PIAS1: variants seen among roughly 807,000 people sequenced by gnomAD.
PIAS1 encodes the protein protein inhibitor of activated STAT 1.
In PIAS1, 6 loss-of-function variants were observed where a neutral mutation model predicts 71.3. The ratio of observed to expected loss-of-function variants is 0.08; its 90% CI spans 0.05 to 0.17. The LOEUF is 0.17. Ranked by LOEUF, PIAS1 falls within the 10% of genes least tolerant of loss-of-function variation. PIAS1 has a pLI of 1.00. For missense variants in PIAS1, 555 were observed against 793.6 expected (o/e 0.70, Z 3.61); for synonymous variants, 303 against 292.9 (o/e 1.03, Z -0.35).
At chr15:68,177,876 G>A (rs1476597700) in intron 11 of PIAS1, among the ~76,000 whole-genome samples, 2 of 152,166 alleles carry the variant, frequency 1.3e-5, no homozygotes, top group Non-Finnish European at 2.9e-5. Flanking sequence ...GAATCACATG[G>A]CCTGTTGCAA....
At chr15:68,056,915 A>G (rs2091902562) in intron 1 of PIAS1, among the ~76,000 whole-genome samples, 1 of 151,974 alleles carries the variant, frequency 6.6e-6, no homozygotes, top group Admixed American at 6.6e-5. Context: ...AATCAGAGTA[A>G]GAAGAAAAAA....
Position 68,187,847 on chromosome 15 carries a change from T to C in PIAS1, c.*12T>C. The C allele has an allele frequency of 3.1e-6, 5 of 1,607,494 alleles. No individual in the cohort carries two copies. Among genetic ancestry groups the C allele is most frequent in the Non-Finnish European group, 3.4e-6 (4 of 1,176,196 alleles). ...TTTCATTGGACTGATTCCCAGGCCC[T>C]GCTGCTCCCATCCCCACCCCAGATC... On this transcript the variant is annotated 3_prime_UTR_variant, in exon 14 of 14. Coordinates refer to ENST00000249636, the MANE Select transcript of PIAS1 (RefSeq NM_016166.3). The surrounding 1 kb of genome is among the most constrained non-coding windows in gnomAD (Gnocchi z 5.3).
chr15:68,162,276 T>C (rs760040159), intron 7 of PIAS1, among the ~76,000 whole-genome samples: 7 of 152,158 alleles, frequency 4.6e-5, no homozygotes, highest in Non-Finnish European at 7.3e-5. Context: ...CTTTGTTTTG[T>C]ATAAGGTTGA....
intron 2 of PIAS1, among the ~76,000 whole-genome samples, chr15:68,119,752 T>C (rs965750514): frequency 3.9e-5 from 6 of 152,246 alleles, no homozygotes; most frequent in African/African-American, 1.2e-4. Context: ...CTATCACTTA[T>C]TGAGAGAGGG....
At chr15:68,131,541 T>C (rs189549527) in intron 2 of PIAS1, among the ~76,000 whole-genome samples, 2 of 152,314 alleles carry the variant, frequency 1.3e-5, no homozygotes, top group East Asian at 3.9e-4. Context: ...TTCTACTCTT[T>C]GTTTCTATGA....
At chr15:68,159,201 G>T (rs1163151191) in intron 7 of PIAS1, among the ~76,000 whole-genome samples, 3 of 152,090 alleles carry the variant, frequency 2.0e-5, no homozygotes, top group Non-Finnish European at 4.4e-5. Context: ...ACTGATTACT[G>T]CAGGACAAAT....
At chr15:68,058,298 A>G (rs187337290) in intron 1 of PIAS1, among the ~76,000 whole-genome samples, 1 of 152,364 alleles carries the variant, frequency 6.6e-6, no homozygotes, top group East Asian at 1.9e-4. Flanking sequence ...ATGTTTGAAT[A>G]ATAATATCTT....
At chr15:68,123,028 A>G (rs2092624079) in intron 2 of PIAS1, among the ~76,000 whole-genome samples, 1 of 151,328 alleles carries the variant, frequency 6.6e-6, no homozygotes, top group Admixed American at 6.6e-5. Context: ...TCAGAGTGTT[A>G]TACATACAAA....
In PIAS1 at chr15:68,054,315, G is replaced by A. The variant is rs771847003; in HGVS notation, c.-12G>A. On this transcript the variant is annotated 5_prime_UTR_variant, in exon 1 of 14. Coordinates refer to ENST00000249636, the MANE Select transcript of PIAS1 (RefSeq NM_016166.3). This position sits in a 1 kb window ranked among gnomAD's most constrained non-coding sequence, Gnocchi z 4.6. The stretch of plus-strand genomic sequence containing the variant: ...CGGCGAAGTTCACTGCGCTTGCGCT[G>A]ACAGACGCAAGATGGCGGACAGTGC... 9 of 1,566,416 alleles carry A rather than the reference G, an allele frequency of 5.7e-6. No individual in the cohort carries two copies. Among genetic ancestry groups the A allele is most frequent in the Non-Finnish European group, 7.8e-6 (9 of 1,156,446 alleles).
intron 2 of PIAS1, among the ~76,000 whole-genome samples, chr15:68,121,169 T>C (rs572640922): frequency 5.1e-4 from 77 of 152,314 alleles, no homozygotes; most frequent in Middle Eastern, 3.4e-3. Context: ...TGGTGAATTC[T>C]TTTACCTTTT....
chr15:68,153,561 G>GT, intron 6 of PIAS1, 29 bp from the exon 7 acceptor site: 1 of 1,024,058 alleles, frequency 9.8e-7, no homozygotes, highest in Non-Finnish European at 1.5e-6. Flanking sequence ...TACATATGTT[G>GT]TTTGTTTTCT....
chr15:68,181,910 G>T (rs2093055450), intron 12 of PIAS1: 1 of 152,714 alleles, frequency 6.5e-6, no homozygotes, highest in Non-Finnish European at 1.5e-5. Flanking sequence ...TGACCTCGTG[G>T]TCCTCCTGCC....
At chr15:68,117,789 C>G (rs529105041) in intron 2 of PIAS1, among the ~76,000 whole-genome samples, 1 of 152,132 alleles carries the variant, frequency 6.6e-6, no homozygotes, top group Non-Finnish European at 1.5e-5. Context: ...TCATATCTTG[C>G]GATTGTGAGT....
At chr15:68,153,738 A>G in intron 7 of PIAS1, 43 bp downstream of exon 7, 3 of 1,036,720 alleles carry the variant, frequency 2.9e-6, no homozygotes, top group Non-Finnish European at 4.5e-6. Flanking sequence ...CTATTTTGTT[A>G]AAGGTTAGAG....
rs2092946541 is a variant in PIAS1, at chr15:68,164,804, A to G, written c.1008A>G (p.Pro336=). 1 of 1,549,498 alleles carries G rather than the reference A, an allele frequency of 6.5e-7. No homozygotes were observed. Among genetic ancestry groups the G allele is most frequent in the Non-Finnish European group, 8.9e-7 (1 of 1,129,072 alleles). Residue 336 remains proline, a splice_region_variant and synonymous_variant, in exon 8 of 14, where the codon CCA becomes CCG. Coordinates refer to ENST00000249636, the MANE Select transcript of PIAS1 (RefSeq NM_016166.3). ...GCCTAAGGGTTTCTCTACTATGTCC[A>G]GTAAGTGTTAACTATTACTTGCTTT... The part of the protein sequence containing the change: ...TTSLRVSLLC[P]LGKMRLTIPC...
In PIAS1 at chr15:68,142,105, A is replaced by G. The variant is rs1017166787; in HGVS notation, c.554+75A>G. 20 of 1,073,830 alleles carry G rather than the reference A, an allele frequency of 1.9e-5. 1 individual carries two copies. In the South Asian group the frequency reaches 2.4e-4, roughly 13 times the overall value. The allele number at this position is 1,073,830 out of a possible 1,614,324, so 66.5% of individuals were successfully genotyped here. ...TCTATAATAAATGATTTTAAAAAACAGTGATTGGTGAGTTAGTATTTGTGT... is the reference window on the plus strand; with the variant it reads ...TCTATAATAAATGATTTTAAAAAACGGTGATTGGTGAGTTAGTATTTGTGT... On this transcript the variant is annotated intron_variant, in intron 3 of 13. Coordinates refer to ENST00000249636, the MANE Select transcript of PIAS1 (RefSeq NM_016166.3).
intron 2 of PIAS1, among the ~76,000 whole-genome samples, chr15:68,117,967 C>T (rs140699129): frequency 7.0e-4 from 106 of 152,300 alleles, no homozygotes; most frequent in East Asian, 9.6e-4. Flanking sequence ...AACATTCCCA[C>T]CATCATTATG....
At chr15:68,149,044 G>C (rs545628602) in intron 6 of PIAS1, among the ~76,000 whole-genome samples, 1 of 152,090 alleles carries the variant, frequency 6.6e-6, no homozygotes, top group South Asian at 2.1e-4. Flanking sequence ...CTGAGATAGA[G>C]GAAACACTGG....
rs765190517 is a variant in PIAS1 at position 68,054,370 on chromosome 15, C to T, written c.24+20C>T. On this transcript the variant is annotated intron_variant, in intron 1 of 13. Coordinates refer to ENST00000249636, the MANE Select transcript of PIAS1 (RefSeq NM_016166.3). This position sits in a 1 kb window ranked among gnomAD's most constrained non-coding sequence, Gnocchi z 4.6. Reference sequence around the variant, plus strand: ...CTAAAGGTAAAGCGCAGCTCGAATTCACTTCTAATATTCGGCCGCGGAGAC... The same window carrying T: ...CTAAAGGTAAAGCGCAGCTCGAATTTACTTCTAATATTCGGCCGCGGAGAC... 3.8e-6 allele frequency: 6 copies of T among 1,567,048 alleles called. No homozygotes were observed. In the East Asian group the frequency reaches 9.6e-5, roughly 25 times the overall value.
Sources: gnomAD v4.1 joint callset for allele counts (sites outside exome capture counted in the v4.1 genomes callset) on GRCh38, gnomAD v4.1.1 for gene constraint, Gnocchi (gnomAD v3.1) non-coding constraint, MANE v1.5 for transcripts, NCBI Gene and HGNC (gene_info 2026-07-23, HGNC 2026-07-21) for gene names.